STEAP2: variants seen among roughly 807,000 people sequenced by gnomAD.
STEAP2 encodes the protein metalloreductase STEAP2.
STEAP2 carries 30 observed loss-of-function variants against 46.4 expected under a neutral mutation model. The observed-to-expected ratio is 0.65, with a 90% CI of 0.48 to 0.88. The LOEUF (loss-of-function observed/expected upper bound fraction) is 0.88, where lower values mean the gene tolerates loss of function less well. Ranked by LOEUF, STEAP2 falls within the 40% of genes least tolerant of loss-of-function variation. STEAP2 has a pLI of 0.00. For missense variants in STEAP2, 513 were observed against 579.3 expected (o/e 0.89, Z 1.18); for synonymous variants, 180 against 200.5 (o/e 0.90, Z 0.86).
chr7:90,223,358 GC>G (rs1304741473), intron 2 of STEAP2, among the ~76,000 whole-genome samples: 3 of 152,178 alleles, frequency 2.0e-5, no homozygotes, highest in African/African-American at 7.2e-5. Flanking sequence ...GCATGGGCAA[GC>G]CAAGCTGGGT....
At chr7:90,238,678 G>A (rs992939919), downstream of STEAP2, among the ~76,000 whole-genome samples, 1 of 152,182 alleles carries the variant, frequency 6.6e-6, no homozygotes, top group Non-Finnish European at 1.5e-5. Context: ...CTCAGAGATA[G>A]TACTCCCCAT....
the STEAP2 span, among the ~76,000 whole-genome samples, chr7:90,243,355 A>T: frequency 1.3e-5 from 2 of 152,194 alleles, no homozygotes; most frequent in African/African-American, 4.8e-5. Flanking sequence ...ATCTTGAATA[A>T]TTTTTGAAAG....
chr7:90,215,927 CACCCCT>C (rs1794993430), intron 1 of STEAP2: 2 of 152,306 alleles, frequency 1.3e-5, no homozygotes. Flanking sequence ...CACCTGCCAC[CACCCCT>C]GCCTAATTTT....
In STEAP2 at chr7:90,225,147, T is replaced by A. The variant is rs1390893868; in HGVS notation, c.65T>A (p.Ile22Lys). ...SLSETFLPNG[I>K]NGIKDARKVT... ...AGTGAAACTTTTTTACCTAATGGCA[T>A]AAATGGTATCAAAGATGCAAGGAAG... is the stretch of plus-strand genomic sequence containing the variant. The change falls in exon 3 of 6, where the codon ATA becomes AAA. Residue 22 changes from isoleucine to lysine, a missense_variant. By Grantham distance (102) the Ile-to-Lys change is moderately radical. Transcript: ENST00000394621. The A allele has an allele frequency of 2.5e-6, 4 of 1,613,854 alleles. No individual in the cohort carries two copies. Among genetic ancestry groups the A allele is most frequent in the Non-Finnish European group, 3.4e-6 (4 of 1,179,932 alleles).
In STEAP2 at chr7:90,233,596, A is replaced by C; in HGVS notation, c.*972A>C. ...CTTTACTTGTATTATCCCATTTAAT[A>C]CTTAGAACAACCCCGTGAGATAAGT... On this transcript the variant is annotated 3_prime_UTR_variant, in exon 6 of 6. Coordinates refer to ENST00000394621, the MANE Select transcript of STEAP2 (RefSeq NM_001244944.2). The C allele has an allele frequency of 1.1e-6, 1 of 913,632 alleles. No individual in the cohort carries two copies. The highest frequency in any genetic ancestry group is 1.3e-6 in the Non-Finnish European group (1 of 764,724). The allele number at this position is 913,632 out of a possible 1,614,324, so 56.6% of individuals were successfully genotyped here.
chr7:90,214,438 T>A (rs1794937413), intron 1 of STEAP2, among the ~76,000 whole-genome samples: 1 of 152,164 alleles, frequency 6.6e-6, no homozygotes, highest in African/African-American at 2.4e-5. Flanking sequence ...AGGGAGGCTC[T>A]CCAGGACATA....
rs535175542 is a variant in STEAP2 at position 90,221,306 on chromosome 7, G to T, written c.-33-3744G>T. Among the ~76,000 whole-genome samples, 5 of 152,196 alleles carry T rather than the reference G, an allele frequency of 3.3e-5. No homozygotes were observed. In the South Asian group the frequency reaches 1.0e-3, roughly 32 times the overall value. ...TTATATTAATATATCTGAGTGGTCT[G>T]TTGTTGGGTGTATATATGTTTAGAA... On this transcript the variant is annotated intron_variant, in intron 2 of 5. Coordinates refer to ENST00000394621, the MANE Select transcript of STEAP2 (RefSeq NM_001244944.2).
At chr7:90,219,069 T>A (rs1795145379) in intron 2 of STEAP2, among the ~76,000 whole-genome samples, 1 of 152,136 alleles carries the variant, frequency 6.6e-6, no homozygotes, top group Admixed American at 6.5e-5. Flanking sequence ...GCCTTCTTGG[T>A]GTCTTTTTCA....
In STEAP2 at chr7:90,223,409, ACT is replaced by A. The variant is rs1362116226; in HGVS notation, c.-33-1636_-33-1635del. The stretch of plus-strand genomic sequence containing the variant: ...CTGTCTGCAAAGACAGACAGCTCTG[ACT>A]CTCTGTCTCTGAGCACAAGAGTGCC... On this transcript the variant is annotated intron_variant, in intron 2 of 5. Coordinates refer to ENST00000394621, the MANE Select transcript of STEAP2 (RefSeq NM_001244944.2). Among the ~76,000 whole-genome samples the A allele has an allele frequency of 2.6e-5, 4 of 152,176 alleles. No individual in the cohort carries two copies. In the East Asian group the frequency reaches 7.7e-4, roughly 29 times the overall value.
chr7:90,239,541 C>A (rs1162306667), downstream of STEAP2, among the ~76,000 whole-genome samples: 2 of 152,168 alleles, frequency 1.3e-5, no homozygotes, highest in Non-Finnish European at 2.9e-5. Context: ...TGCTCCACAA[C>A]AAAGACAGTT....
intron 3 of STEAP2, among the ~76,000 whole-genome samples, chr7:90,226,332 T>A (rs954087711): frequency 4.6e-5 from 7 of 152,346 alleles, no homozygotes; most frequent in African/African-American, 1.7e-4. Context: ...GTGTTTGGTT[T>A]ATTTTTAGAC....
At chr7:90,221,366 C>T (rs1343802951) in intron 2 of STEAP2, among the ~76,000 whole-genome samples, 6 of 152,048 alleles carry the variant, frequency 3.9e-5, no homozygotes, top group Admixed American at 3.9e-4. Context: ...TATCTATTAT[C>T]ATTATATAAT....
chr7:90,218,565 A>G (rs6465250), intron 2 of STEAP2, among the ~76,000 whole-genome samples: 112,482 of 151,766 alleles, frequency 0.74, 42,336 homozygotes, highest in African/African-American at 0.77. Context: ...TTTGTTGACA[A>G]TCAGTTGGCT....
At chr7:90,221,113 C>A (rs1795241656) in intron 2 of STEAP2, among the ~76,000 whole-genome samples, 1 of 152,104 alleles carries the variant, frequency 6.6e-6, no homozygotes, top group Non-Finnish European at 1.5e-5. Context: ...ATAAAATGTT[C>A]TGTGAATGTT....
chr7:90,231,399 CTGTT>C (rs1014529833), intron 5 of STEAP2, among the ~76,000 whole-genome samples: 2 of 151,526 alleles, frequency 1.3e-5, no homozygotes, highest in African/African-American at 4.8e-5. Flanking sequence ...TATCATATGT[CTGTT>C]TATGTATTAA....
chr7:90,233,910 C>A lies in STEAP2; in HGVS notation c.*1286C>A. 1 of 985,146 alleles carries A rather than the reference C, an allele frequency of 1.0e-6. No individual in the cohort carries two copies. Among genetic ancestry groups the A allele is most frequent in the Non-Finnish European group, 1.2e-6 (1 of 829,728 alleles). The allele number at this position is 985,146 out of a possible 1,614,324, so 61.0% of individuals were successfully genotyped here. On this transcript the variant is annotated 3_prime_UTR_variant, in exon 6 of 6. Coordinates refer to ENST00000394621, the MANE Select transcript of STEAP2 (RefSeq NM_001244944.2). The stretch of plus-strand genomic sequence containing the variant: ...TATTATTATAATAAACTTATTACTG[C>A]TTGTAGGGTAATTCACAGTTACTTA...
chr7:90,234,027 G>A lies in STEAP2; in HGVS notation c.*1403G>A, dbSNP rs778428584. On this transcript the variant is annotated 3_prime_UTR_variant, in exon 6 of 6. Transcript: ENST00000394621. Reference sequence around the variant, plus strand: ...AGGGCCCTAGCAGTGTTAACAAATTGCTGAGATCCCACGGAGTCTTTCAAA... The same window carrying A: ...AGGGCCCTAGCAGTGTTAACAAATTACTGAGATCCCACGGAGTCTTTCAAA... The A allele has an allele frequency of 7.1e-6, 7 of 985,354 alleles. No individual in the cohort carries two copies. The highest frequency in any genetic ancestry group is 8.4e-6 in the Non-Finnish European group (7 of 829,928). 61.0% of individuals were successfully genotyped at this position (985,354 alleles called of 1,614,324 possible). A position where few individuals can be genotyped will look rare whatever the true frequency, so the allele number is the denominator to read the frequency against.
Position 90,225,088 on chromosome 7 carries a change from A to G in STEAP2, c.6A>G (p.Glu2=), listed in dbSNP as rs892178876. 3 of 1,612,816 alleles carry G rather than the reference A, an allele frequency of 1.9e-6. No individual in the cohort carries two copies. The highest frequency in any genetic ancestry group is 1.1e-5 in the South Asian group (1 of 90,876). The change falls in exon 3 of 6, where the codon GAA becomes GAG. Residue 2 remains glutamate (E), a synonymous_variant. Transcript: ENST00000394621. ...ATCTTGGAAGTGTCCGTATCATGGA[A>G]TCAATCTCTATGATGGGAAGCCCTA... M[E]SISMMGSPKS...
In STEAP2 at chr7:90,231,026, G is replaced by C. The variant is rs572388358; in HGVS notation, c.1185+990G>C. On this transcript the variant is annotated intron_variant, in intron 5 of 5. Coordinates refer to ENST00000394621, the MANE Select transcript of STEAP2 (RefSeq NM_001244944.2). ...AAATTATCATTATAAATTTAGATGAGTAATTGCAAATATTTTGCCTGCTGG... is the reference window on the plus strand; with the variant it reads ...AAATTATCATTATAAATTTAGATGACTAATTGCAAATATTTTGCCTGCTGG... Among the ~76,000 whole-genome samples, 3 of 151,936 alleles carry C rather than the reference G, an allele frequency of 2.0e-5. No homozygotes were observed. In the East Asian group the frequency reaches 5.8e-4, roughly 29 times the overall value.
Sources: allele counts gnomAD v4.1 joint callset (sites outside exome capture counted in the v4.1 genomes callset), GRCh38; gene constraint gnomAD v4.1.1; transcripts MANE v1.5; gene names NCBI Gene and HGNC (gene_info 2026-07-23, HGNC 2026-07-21).